SMC2: variants seen among roughly 807,000 people sequenced by gnomAD.
SMC2 encodes the protein structural maintenance of chromosomes protein 2.
In SMC2, 41 loss-of-function variants were observed where a neutral mutation model predicts 142.6. The observed-to-expected ratio is 0.29, with a 90% confidence interval of 0.22 to 0.37. The LOEUF (loss-of-function observed/expected upper bound fraction) is 0.37. SMC2 is among the 10% of genes least tolerant of loss of function. The pLI is 1.00. For synonymous variants in SMC2, 463 were observed against 457.5 expected (o/e 1.01, Z -0.15); for missense variants, 1,265 against 1,373.7 (o/e 0.92, Z 1.25).
rs1050174420 is a variant in SMC2, at chr9:104,120,011, A to G, written c.1997-16A>G. 5 of 1,613,156 alleles carry G rather than the reference A, an allele frequency of 3.1e-6. No homozygotes were observed. The African/African-American group carries it at 6.7e-5, about 22-fold the overall frequency. ...GGTAACAATGTGGAAGACCTGTTTC[A>G]ATTTGCCTCTATCAGGTGCTCGATC... On this transcript the variant is annotated splice_polypyrimidine_tract_variant and intron_variant, in intron 15 of 24. Coordinates refer to ENST00000374793, the MANE Select transcript of SMC2 (RefSeq NM_006444.3).
chr9:104,108,197 C>T (rs1372452786), intron 9 of SMC2, among the ~76,000 whole-genome samples: 1 of 152,162 alleles, frequency 6.6e-6, no homozygotes, highest in African/African-American at 2.4e-5. Context: ...CCTAGGAAAA[C>T]TGGAAATATG....
At chr9:104,105,497 G>GT (rs1272173618) in intron 9 of SMC2, among the ~76,000 whole-genome samples, 1 of 152,080 alleles carries the variant, frequency 6.6e-6, no homozygotes, top group East Asian at 1.9e-4. Context: ...GCTAAATCTC[G>GT]TTAGTGGTAT....
chr9:104,095,147 A>G (rs1315517661), intron 1 of SMC2, among the ~76,000 whole-genome samples, 177 bp from the exon 2 acceptor site: 1 of 152,250 alleles, frequency 6.6e-6, no homozygotes, highest in Non-Finnish European at 1.5e-5. Flanking sequence ...TAATTTCCAG[A>G]TAGTGGCTAA....
At chr9:104,115,226 A>C (rs998342271) in intron 13 of SMC2, among the ~76,000 whole-genome samples, 3 of 150,862 alleles carry the variant, frequency 2.0e-5, no homozygotes, top group Admixed American at 6.6e-5. Flanking sequence ...CTACGTAGTC[A>C]TTGTCAAATT....
At chr9:104,109,651 A>C (rs1832205893) in intron 9 of SMC2, among the ~76,000 whole-genome samples, 1 of 152,218 alleles carries the variant, frequency 6.6e-6, no homozygotes, top group Admixed American at 6.5e-5. Flanking sequence ...TTGACTTATT[A>C]GCAGATTTTT....
chr9:104,126,168 ACT>A (rs1206947776), intron 18 of SMC2, among the ~76,000 whole-genome samples: 1 of 151,514 alleles, frequency 6.6e-6, no homozygotes, highest in Non-Finnish European at 1.5e-5. Flanking sequence ...CTGAAACCAT[ACT>A]CTCTCCCTGT....
chr9:104,119,350 T>C (rs1307560823), intron 15 of SMC2, among the ~76,000 whole-genome samples: 2 of 152,212 alleles, frequency 1.3e-5, no homozygotes, highest in African/African-American at 4.8e-5. Flanking sequence ...TAAAAGCATT[T>C]TTAATTGACC....
In SMC2 at chr9:104,140,712, A is replaced by G. The variant is rs1835987841; in HGVS notation, c.*1397A>G. ...TAAATGTTGAGTTACAGAAAGTCCAATGTCAAATATAGTTTTTTTGTTTCC... is the reference window on the plus strand; with the variant it reads ...TAAATGTTGAGTTACAGAAAGTCCAGTGTCAAATATAGTTTTTTTGTTTCC... On this transcript the variant is annotated 3_prime_UTR_variant, in exon 25 of 25. Transcript: ENST00000374793. 1.3e-5 allele frequency: 2 copies of G among 150,916 alleles called. No homozygotes were observed. Among genetic ancestry groups the G allele is most frequent in the African/African-American group, 5.0e-5 (2 of 39,802 alleles). The allele number at this position is 150,916 out of a possible 1,614,324, so 9.3% of individuals were successfully genotyped here. A position where few individuals can be genotyped will look rare whatever the true frequency, so the allele number is the denominator to read the frequency against.
intron 18 of SMC2, among the ~76,000 whole-genome samples, chr9:104,126,305 ATTGAACAATTTTGTTT>A (rs1216542500): frequency 6.6e-6 from 1 of 152,196 alleles, no homozygotes; most frequent in African/African-American, 2.4e-5. Flanking sequence ...CTTTTTACAC[ATTGAACAATTTTGTTT>A]TTAAAAAAGC....
intron 10 of SMC2, among the ~76,000 whole-genome samples, chr9:104,112,638 T>G (rs544885770): frequency 2.0e-4 from 31 of 152,250 alleles, no homozygotes; most frequent in African/African-American, 6.5e-4. Context: ...CTACTCTCAG[T>G]TTGTCTATTA....
chr9:104,098,401 G>A, intron 3 of SMC2, 45 bp from the exon 4 acceptor site: 1 of 1,486,444 alleles, frequency 6.7e-7, no homozygotes, highest in East Asian at 2.4e-5. Flanking sequence ...CCTAGCACAA[G>A]GTGTGCATGT....
intron 9 of SMC2, among the ~76,000 whole-genome samples, chr9:104,104,549 T>A (rs916580019): frequency 6.7e-6 from 1 of 150,068 alleles, no homozygotes; most frequent in African/African-American, 2.5e-5. Context: ...GAGGAGCAGA[T>A]AGAACAGTCC....
At chr9:104,113,536 TAATTTA>T in intron 11 of SMC2, 61 bp downstream of exon 11, 1 of 1,346,672 alleles carries the variant, frequency 7.4e-7, no homozygotes, top group Non-Finnish European at 1.0e-6. Flanking sequence ...GATAAAAAGC[TAATTTA>T]AATAAAGAAC....
At position 104,114,030 on chromosome 9, in the gene SMC2, A is replaced by T; in HGVS notation, c.1481A>T (p.Glu494Val). The change falls in exon 12 of 25, where the codon GAA becomes GTA. Residue 494 changes from glutamate to valine, a missense_variant. Transcript: ENST00000374793. Reference sequence around the variant, plus strand: ...TCTCGTGATATTGGTAGATTGAAAGAAACATATGAAGCTCTATTAGCCAGA... The same window carrying T: ...TCTCGTGATATTGGTAGATTGAAAGTAACATATGAAGCTCTATTAGCCAGA... The part of the protein sequence containing the change: ...QLSRDIGRLK[E>V]TYEALLARFP... The T allele has an allele frequency of 6.2e-7, 1 of 1,602,098 alleles. No homozygotes were observed. Among genetic ancestry groups the T allele is most frequent in the Non-Finnish European group, 8.5e-7 (1 of 1,176,510 alleles).
Position 104,134,411 on chromosome 9 carries a change from C to G in SMC2, c.3109-4C>G. On this transcript the variant is annotated splice_polypyrimidine_tract_variant and splice_region_variant and intron_variant, in intron 22 of 24. Transcript: ENST00000374793. ...GTTTTAACTTTTTTATTTTTTAAAT[C>G]CAGGTGAACAAGGACTTTGGGTCTA... The G allele has an allele frequency of 6.4e-7, 1 of 1,560,650 alleles. No homozygotes were observed. Among genetic ancestry groups the G allele is most frequent in the African/African-American group, 1.4e-5 (1 of 71,642 alleles).
chr9:104,117,522 G>GTT (rs1258896363), intron 14 of SMC2, among the ~76,000 whole-genome samples: 2 of 152,180 alleles, frequency 1.3e-5, no homozygotes, highest in African/African-American at 2.4e-5. Context: ...TTTACTCTCA[G>GTT]TTATTGTGTT....
chr9:104,123,364 GGA>G, intron 17 of SMC2, 132 bp downstream of exon 17: 2 of 798,516 alleles, frequency 2.5e-6, no homozygotes, highest in Non-Finnish European at 1.8e-6. Context: ...TCCAAGTATG[GGA>G]TTTCTAGGTC....
At chr9:104,124,326 C>A (rs1834038810) in intron 17 of SMC2, among the ~76,000 whole-genome samples, 1 of 152,140 alleles carries the variant, frequency 6.6e-6, no homozygotes, top group Non-Finnish European at 1.5e-5. Flanking sequence ...ACCTCATGAT[C>A]TGCCTGCCTT....
At chr9:104,117,206 C>T (rs1420561685) in intron 14 of SMC2, among the ~76,000 whole-genome samples, 3 of 152,154 alleles carry the variant, frequency 2.0e-5, no homozygotes, top group African/African-American at 7.2e-5. Flanking sequence ...CAAGAAGGCT[C>T]AGGAAGTTAA....
Sources: gnomAD v4.1 joint callset for allele counts (sites outside exome capture counted in the v4.1 genomes callset) on GRCh38, gnomAD v4.1.1 for gene constraint, MANE v1.5 for transcripts, NCBI Gene and HGNC (gene_info 2026-07-23, HGNC 2026-07-21) for gene names.